The following MAPKAPK2 variants were observed in gnomAD, a reference collection of about 807,000 sequenced individuals.
The protein encoded by MAPKAPK2 is MAPK activated protein kinase 2.
MAPKAPK2 carries 9 observed loss-of-function variants against 48.8 expected under a neutral mutation model. That is an observed-to-expected ratio of 0.18 (90% CI 0.11 to 0.32). MAPKAPK2 has a LOEUF of 0.32. Among genes scored for constraint, MAPKAPK2 ranks in the 10% least tolerant of loss-of-function variants. The probability of loss-of-function intolerance (pLI) is 1.00; values close to 1 mark genes in which losing one functional copy is unlikely to be tolerated. For synonymous variants in MAPKAPK2, 202 were observed against 190.6 expected, an observed-to-expected ratio of 1.06 and a Z score of -0.49; for missense variants, 331 against 498.3, an observed-to-expected ratio of 0.66 and a Z score of 3.20.
At chr1:206,703,002 A>G (rs530281086) in intron 1 of MAPKAPK2, among the ~76,000 whole-genome samples, 24 of 152,198 alleles carry the variant, frequency 1.6e-4, no homozygotes, top group Non-Finnish European at 3.4e-4. Flanking sequence ...CTCAAATTAC[A>G]GCCCCCTGCC....
intron 1 of MAPKAPK2, among the ~76,000 whole-genome samples, chr1:206,728,436 C>T (rs1673779547): frequency 6.6e-6 from 1 of 152,172 alleles, no homozygotes; most frequent in South Asian, 2.1e-4. Flanking sequence ...GACTTTATGG[C>T]CTAAGCTGGA....
intron 5 of MAPKAPK2, 149 bp from the exon 6 acceptor site, chr1:206,730,539 G>C: frequency 1.5e-6 from 1 of 687,522 alleles, no homozygotes; most frequent in South Asian, 1.7e-5. Flanking sequence ...CAGTCCCTGG[G>C]CTGGGCTTTG....
intron 1 of MAPKAPK2, among the ~76,000 whole-genome samples, chr1:206,701,428 T>C (rs948568678): frequency 1.2e-4 from 19 of 152,124 alleles, no homozygotes; most frequent in African/African-American, 4.6e-4. Flanking sequence ...TTTCTAATCC[T>C]GGTAGACACT....
intron 1 of MAPKAPK2, among the ~76,000 whole-genome samples, chr1:206,725,886 ATCT>A (rs550123180): frequency 2.6e-5 from 4 of 152,198 alleles, no homozygotes; most frequent in African/African-American, 9.6e-5. Flanking sequence ...CTCCCCTCAT[ATCT>A]TCTTCTGCCC....
At chr1:206,701,831 TAAA>T (rs1181483621) in intron 1 of MAPKAPK2, among the ~76,000 whole-genome samples, 1 of 86,964 alleles carries the variant, frequency 1.1e-5, no homozygotes, top group African/African-American at 4.6e-5. Context: ...ACCCTGTCTC[TAAA>T]AAAAAAAAAA....
chr1:206,690,492 A>G (rs1053918385), intron 1 of MAPKAPK2, among the ~76,000 whole-genome samples: 1 of 152,250 alleles, frequency 6.6e-6, no homozygotes, highest in Non-Finnish European at 1.5e-5. Flanking sequence ...CTAGGAAACA[A>G]AAGAACCCCT....
At chr1:206,696,480 A>G (rs1215063794) in intron 1 of MAPKAPK2, among the ~76,000 whole-genome samples, 1 of 152,046 alleles carries the variant, frequency 6.6e-6, no homozygotes, top group Non-Finnish European at 1.5e-5. Flanking sequence ...AAGTGGGAGG[A>G]TCTTTTGAAC....
chr1:206,696,680 G>T (rs532197024), intron 1 of MAPKAPK2, among the ~76,000 whole-genome samples: 19 of 152,302 alleles, frequency 1.2e-4, no homozygotes, highest in Admixed American at 1.2e-3. Flanking sequence ...CTCCAGCCTG[G>T]GTGACAGAGC....
At chr1:206,686,652 C>T (rs1354869955) in intron 1 of MAPKAPK2, among the ~76,000 whole-genome samples, 2 of 152,146 alleles carry the variant, frequency 1.3e-5, no homozygotes, top group African/African-American at 4.8e-5. Flanking sequence ...GCCCCCACAG[C>T]GAGCTGTATT....
intron 1 of MAPKAPK2, among the ~76,000 whole-genome samples, chr1:206,711,024 A>T (rs1673124883): frequency 6.6e-6 from 1 of 152,192 alleles, no homozygotes; most frequent in African/African-American, 2.4e-5. Flanking sequence ...TCGTGGAAAA[A>T]TCATAATTTT....
At chr1:206,702,168 T>G (rs1672817373) in intron 1 of MAPKAPK2, among the ~76,000 whole-genome samples, 1 of 152,188 alleles carries the variant, frequency 6.6e-6, no homozygotes, top group Non-Finnish European at 1.5e-5. Context: ...AAGGAAAAAT[T>G]CGCTGTTGTT....
chr1:206,691,502 T>TATATATATATATATATATATATATACAC (rs1553426248), intron 1 of MAPKAPK2, among the ~76,000 whole-genome samples: 9 of 132,728 alleles, frequency 6.8e-5, no homozygotes, highest in African/African-American at 1.5e-4. Context: ...TATATATATA[T>TATATATATATATATATATATATATACAC]ATACACACAT....
chr1:206,725,187 C>G lies in MAPKAPK2; in HGVS notation c.280-3523C>G, dbSNP rs1479179347. On this transcript the variant is annotated intron_variant, in intron 1 of 9. Coordinates refer to ENST00000367103, the MANE Select transcript of MAPKAPK2 (RefSeq NM_032960.4). ...TGCACAAACTCTCCTTTGCCTTGTGCCACGCACTCCTAACGTGTTCAGGGC... is the reference window on the plus strand; with the variant it reads ...TGCACAAACTCTCCTTTGCCTTGTGGCACGCACTCCTAACGTGTTCAGGGC... 2.0e-5 allele frequency among the ~76,000 whole-genome samples: 3 copies of G among 152,250 alleles called. No homozygotes were observed. In the East Asian group the frequency reaches 5.8e-4, roughly 29 times the overall value.
intron 1 of MAPKAPK2, among the ~76,000 whole-genome samples, chr1:206,712,780 A>G (rs143492642): frequency 3.2e-4 from 48 of 152,166 alleles, no homozygotes; most frequent in African/African-American, 1.1e-3. Flanking sequence ...AGCCTGGCCA[A>G]TGTGGTGAAA....
rs1673884819 is a variant in MAPKAPK2, at chr1:206,731,012, G to A, written c.768-126G>A. 7.4e-7 allele frequency: 1 copy of A among 1,344,498 alleles called. No individual in the cohort carries two copies. The highest frequency in any genetic ancestry group is 1.7e-5 in the Admixed American group (1 of 57,326). 83.3% of individuals were successfully genotyped at this position (1,344,498 alleles called of 1,614,324 possible). On this transcript the variant is annotated intron_variant, in intron 6 of 9. Coordinates refer to ENST00000367103, the MANE Select transcript of MAPKAPK2 (RefSeq NM_032960.4). This position sits in a 1 kb window ranked among gnomAD's most constrained non-coding sequence, Gnocchi z 5.9. ...GCTTGACTTTGTATATTGTGCCTGT[G>A]TCAATAAGCCCTGATTTCTCTGTGA...
intron 1 of MAPKAPK2, among the ~76,000 whole-genome samples, chr1:206,711,134 T>TACACATGC (rs1345934754): frequency 3.9e-5 from 6 of 152,244 alleles, no homozygotes; most frequent in Admixed American, 2.6e-4. Flanking sequence ...TGTGGGTGAA[T>TACACATGC]ACACATGCAC....
intron 1 of MAPKAPK2, among the ~76,000 whole-genome samples, chr1:206,717,309 A>G (rs1673365920): frequency 6.6e-6 from 1 of 152,220 alleles, no homozygotes; most frequent in Non-Finnish European, 1.5e-5. Context: ...AAGCTTAAAT[A>G]TAGCAATATT....
intron 1 of MAPKAPK2, among the ~76,000 whole-genome samples, chr1:206,711,081 C>T (rs1027325808): frequency 2.0e-5 from 3 of 152,084 alleles, no homozygotes; most frequent in African/African-American, 4.8e-5. Context: ...TTTATGGTTC[C>T]GCATTACTGT....
intron 1 of MAPKAPK2, among the ~76,000 whole-genome samples, chr1:206,701,942 C>G (rs1553427980): frequency 6.6e-6 from 1 of 151,578 alleles, no homozygotes; most frequent in African/African-American, 2.4e-5. Context: ...GTTAGACTCA[C>G]TTGTGGGTAG....
Sources: allele counts gnomAD v4.1 joint callset (sites outside exome capture counted in the v4.1 genomes callset), GRCh38; gene constraint gnomAD v4.1.1; non-coding constraint Gnocchi (gnomAD v3.1); transcripts MANE v1.5; gene names NCBI Gene and HGNC (gene_info 2026-07-23, HGNC 2026-07-21).